METTL25: variants seen among roughly 807,000 people sequenced by gnomAD.
The protein encoded by METTL25 is methyltransferase like 25, also known as probable methyltransferase-like protein 25.
METTL25 carries 64 observed loss-of-function variants against 71.6 expected under a neutral mutation model. That is an observed-to-expected ratio of 0.89 (90% CI 0.73 to 1.10). The LOEUF (loss-of-function observed/expected upper bound fraction) is 1.10, where lower values mean the gene tolerates loss of function less well. Among genes scored for constraint, METTL25 ranks in the 50% least tolerant of loss-of-function variants. METTL25 has a pLI of 0.00. For missense variants in METTL25, 807 were observed against 707.0 expected, an observed-to-expected ratio of 1.14 and a Z score of -1.60; for synonymous variants, 287 against 250.3, an observed-to-expected ratio of 1.15 and a Z score of -1.38.
intron 3 of METTL25, among the ~76,000 whole-genome samples, chr12:82,393,217 G>A (rs1290104795): frequency 4.6e-5 from 7 of 151,912 alleles, no homozygotes; most frequent in Non-Finnish European, 8.8e-5. Flanking sequence ...ATTTCTTTGG[G>A]TAATATGCAC....
intron 7 of METTL25, among the ~76,000 whole-genome samples, chr12:82,438,048 G>A (rs529984420): frequency 6.6e-6 from 1 of 151,746 alleles, no homozygotes; most frequent in Admixed American, 6.6e-5. Flanking sequence ...AAACAATCGT[G>A]CTTCATTGGA....
intron 1 of METTL25, among the ~76,000 whole-genome samples, chr12:82,384,471 T>G: frequency 7.0e-6 from 1 of 143,336 alleles, no homozygotes; most frequent in Non-Finnish European, 1.5e-5. Context: ...ACAGGCTGGA[T>G]AACTTGAAAA....
intron 1 of METTL25, among the ~76,000 whole-genome samples, chr12:82,368,317 CA>C (rs1241404271): frequency 2.0e-5 from 3 of 152,168 alleles, no homozygotes; most frequent in Non-Finnish European, 2.9e-5. Flanking sequence ...ATGGTGCCTA[CA>C]TTTTTTTTAG....
At chr12:82,443,843 A>G (rs1365294666) in intron 8 of METTL25, among the ~76,000 whole-genome samples, 1 of 152,094 alleles carries the variant, frequency 6.6e-6, no homozygotes, top group African/African-American at 2.4e-5. Context: ...CCCCCAACCC[A>G]GGAGGGCAAT....
At chr12:82,367,330 TATC>T (rs1371453446) in intron 1 of METTL25, among the ~76,000 whole-genome samples, 4 of 152,364 alleles carry the variant, frequency 2.6e-5, no homozygotes, top group African/African-American at 7.2e-5. Context: ...GGTTACCTGT[TATC>T]ATCATTTATC....
chr12:82,409,112 A>T (rs1168133573), intron 5 of METTL25, among the ~76,000 whole-genome samples: 1 of 152,150 alleles, frequency 6.6e-6, no homozygotes, highest in Non-Finnish European at 1.5e-5. Context: ...GTTTTCCATG[A>T]ATGTGTTTAC....
At chr12:82,394,410 A>C (rs1324329845) in intron 3 of METTL25, among the ~76,000 whole-genome samples, 1 of 152,072 alleles carries the variant, frequency 6.6e-6, no homozygotes, top group Non-Finnish European at 1.5e-5. Flanking sequence ...AGAACTAAAC[A>C]AGAATATCAT....
At chr12:82,418,940 A>G (rs1418056016) in intron 5 of METTL25, among the ~76,000 whole-genome samples, 3 of 152,198 alleles carry the variant, frequency 2.0e-5, no homozygotes, top group South Asian at 2.1e-4. Flanking sequence ...TGAAGTCATT[A>G]TATGACAAGT....
chr12:82,399,578 T>C (rs1886402510), intron 4 of METTL25, among the ~76,000 whole-genome samples, 184 bp downstream of exon 4: 2 of 152,176 alleles, frequency 1.3e-5, no homozygotes, highest in Admixed American at 6.5e-5. Context: ...CTGTTCAGAA[T>C]AGAGTATCCT....
chr12:82,370,951 A>G (rs1054845685), intron 1 of METTL25, among the ~76,000 whole-genome samples: 2 of 152,214 alleles, frequency 1.3e-5, no homozygotes, highest in African/African-American at 4.8e-5. Flanking sequence ...CAATAACTCC[A>G]TGATTTCCTT....
In METTL25 at chr12:82,433,508, A is replaced by G. The variant is rs560726973; in HGVS notation, c.1375-1187A>G. On this transcript the variant is annotated intron_variant, in intron 6 of 11. Coordinates refer to ENST00000248306, the MANE Select transcript of METTL25 (RefSeq NM_032230.3). ...ATATTACATTTTTTTTCTTCAAACC[A>G]TTTCCGTGAAGCCAGTTTTCATGCA... Among the ~76,000 whole-genome samples the G allele has an allele frequency of 6.6e-5, 10 of 151,614 alleles. No homozygotes were observed. The East Asian group carries it at 1.9e-3, about 30-fold the overall frequency.
intron 1 of METTL25, among the ~76,000 whole-genome samples, chr12:82,364,275 C>T (rs903908969): frequency 6.6e-6 from 1 of 152,126 alleles, no homozygotes; most frequent in African/African-American, 2.4e-5. Flanking sequence ...CATAGGTGGC[C>T]ATAATATTTC....
At chr12:82,397,657 T>C (rs1886198828) in intron 3 of METTL25, among the ~76,000 whole-genome samples, 1 of 152,026 alleles carries the variant, frequency 6.6e-6, no homozygotes, top group African/African-American at 2.4e-5. Context: ...TTTTTTTATA[T>C]CAACATCCAG....
chr12:82,401,147 G>A (rs1886587493), intron 4 of METTL25, among the ~76,000 whole-genome samples: 1 of 151,918 alleles, frequency 6.6e-6, no homozygotes, highest in African/African-American at 2.4e-5. Context: ...GTTCTATCAG[G>A]TCAAAACCAC....
At chr12:82,450,388 T>C (rs1047340593) in intron 8 of METTL25, among the ~76,000 whole-genome samples, 1 of 152,072 alleles carries the variant, frequency 6.6e-6, no homozygotes, top group Non-Finnish European at 1.5e-5. Context: ...ACCTCTCCCT[T>C]CAGAATATAT....
Position 82,441,409 on chromosome 12 carries a change from G to A in METTL25, c.1478+2618G>A, listed in dbSNP as rs189400788. ...TACAGTCAACAGAAATGTACCCTTAGGAAAGCCAGAGAAAGGCTTAAAATA... is the reference window on the plus strand; with the variant it reads ...TACAGTCAACAGAAATGTACCCTTAAGAAAGCCAGAGAAAGGCTTAAAATA... On this transcript the variant is annotated intron_variant, in intron 8 of 11. Transcript: ENST00000248306. Among the ~76,000 whole-genome samples the A allele has an allele frequency of 2.1e-3, 320 of 151,794 alleles. 1 individual carries two copies. The highest frequency in any genetic ancestry group is 7.1e-3 in the African/African-American group (294 of 41,412).
chr12:82,422,861 G>T (rs1888647287), intron 5 of METTL25, among the ~76,000 whole-genome samples: 1 of 152,100 alleles, frequency 6.6e-6, no homozygotes, highest in African/African-American at 2.4e-5. Context: ...ACCTCTTCTA[G>T]GAGAACTACA....
At chr12:82,470,111 C>G (rs1269446040) in intron 9 of METTL25, among the ~76,000 whole-genome samples, 1 of 152,100 alleles carries the variant, frequency 6.6e-6, no homozygotes. Context: ...TCTTGGCCAC[C>G]AAAGCTGCTG....
chr12:82,381,425 T>C (rs1884432228), intron 1 of METTL25, among the ~76,000 whole-genome samples: 1 of 152,230 alleles, frequency 6.6e-6, no homozygotes, highest in Admixed American at 6.5e-5. Flanking sequence ...TGTCAATATC[T>C]TGTTAATTTT....
Sources: allele counts gnomAD v4.1 joint callset (sites outside exome capture counted in the v4.1 genomes callset), GRCh38; gene constraint gnomAD v4.1.1; transcripts MANE v1.5; gene names NCBI Gene and HGNC (gene_info 2026-07-23, HGNC 2026-07-21).